HOATZ: variants seen among roughly 807,000 people sequenced by gnomAD.
HOATZ encodes the protein HOATZ cilia and flagella associated protein.
Under a neutral mutation model 24.9 loss-of-function variants are expected in HOATZ, and 26 were observed. That is an observed-to-expected ratio of 1.04 (90% CI 0.76 to 1.45). The LOEUF is 1.45. HOATZ is among the 40% of genes most tolerant of loss of function. The pLI is 0.00. For synonymous variants in HOATZ, 83 were observed against 76.6 expected (o/e 1.08, Z -0.43); for missense variants, 226 against 201.5 (o/e 1.12, Z -0.74).
intron 3 of HOATZ, among the ~76,000 whole-genome samples, chr11:111,532,234 C>T (rs1363138628): frequency 6.6e-6 from 1 of 152,166 alleles, no homozygotes; most frequent in Non-Finnish European, 1.5e-5. Context: ...CAGGCAGAAA[C>T]TGTGTTATGT....
intron 3 of HOATZ, among the ~76,000 whole-genome samples, chr11:111,520,148 GAGTCCTAAAGT>G (rs1867253383): frequency 6.6e-6 from 1 of 152,148 alleles, no homozygotes; most frequent in African/African-American, 2.4e-5. Context: ...CCTCCTTTGA[GAGTCCTAAAGT>G]AGTCTGAAAA....
intron 1 of HOATZ, 88 bp from the exon 2 acceptor site, chr11:111,515,423 T>C (rs1451053616): frequency 2.0e-5 from 21 of 1,059,304 alleles, no homozygotes; most frequent in Non-Finnish European, 2.9e-5. Context: ...GAAACTGTTA[T>C]GCAATTGTTA....
At chr11:111,531,599 C>G (rs1214863238) in intron 3 of HOATZ, among the ~76,000 whole-genome samples, 2 of 152,198 alleles carry the variant, frequency 1.3e-5, no homozygotes, top group Non-Finnish European at 2.9e-5. Flanking sequence ...TTTATTCAAT[C>G]TATGCAAGTT....
At chr11:111,533,584 A>G (rs1275845244) in intron 3 of HOATZ, among the ~76,000 whole-genome samples, 162 bp from the exon 4 acceptor site, 1 of 152,206 alleles carries the variant, frequency 6.6e-6, no homozygotes, top group Non-Finnish European at 1.5e-5. Context: ...TATCTTGAAT[A>G]AAAACAGGAT....
At chr11:111,528,173 T>C (rs953183908) in intron 3 of HOATZ, among the ~76,000 whole-genome samples, 2 of 104,094 alleles carry the variant, frequency 1.9e-5, no homozygotes, top group African/African-American at 6.7e-5. Context: ...AAAAAAAAAA[T>C]CGTTTTTTAA....
At chr11:111,524,867 T>C in intron 3 of HOATZ, 1 of 445,914 alleles carries the variant, frequency 2.2e-6, no homozygotes, top group Admixed American at 2.4e-5. Flanking sequence ...TTTCTTTTTC[T>C]TTTCTTTTTT....
At position 111,516,087 on chromosome 11, in the gene HOATZ, G is replaced by T; in HGVS notation, c.316G>T (p.Glu106Ter). Residue 106 changes from glutamate (E) to a stop codon, truncating the protein, a stop_gained, in exon 3 of 6, where the codon GAG becomes TAG. Coordinates refer to ENST00000375618, the MANE Select transcript of HOATZ (RefSeq NM_001100388.2). LOFTEE classifies it high-confidence loss of function. ...AEALKIQESEEKVKYLQKAKT... is the reference protein window; with the variant it reads ...AEALKIQESE ...AGCCCTAAAGATACAGGAATCTGAGGAGAAAGTAAAGTATCTCCAAAAGGT... is the reference window on the plus strand; with the variant it reads ...AGCCCTAAAGATACAGGAATCTGAGTAGAAAGTAAAGTATCTCCAAAAGGT... 1 of 1,598,788 alleles carries T rather than the reference G, an allele frequency of 6.3e-7. No homozygotes were observed. Among genetic ancestry groups the T allele is most frequent in the South Asian group, 1.1e-5 (1 of 87,718 alleles).
At chr11:111,525,190 A>G (rs1196090476) in intron 3 of HOATZ, among the ~76,000 whole-genome samples, 2 of 152,176 alleles carry the variant, frequency 1.3e-5, no homozygotes, top group Admixed American at 6.5e-5. Flanking sequence ...GCATATTTTC[A>G]TTGTAACAGT....
chr11:111,520,118 C>A (rs1269285649), intron 3 of HOATZ, among the ~76,000 whole-genome samples: 1 of 152,144 alleles, frequency 6.6e-6, no homozygotes, highest in Non-Finnish European at 1.5e-5. Flanking sequence ...AACCTCACAG[C>A]CCTACACTGG....
At chr11:111,534,754 A>C in intron 5 of HOATZ, 1 of 327,020 alleles carries the variant, frequency 3.1e-6, no homozygotes. Context: ...TGGGCTATAT[A>C]ATCACCCATC....
At chr11:111,521,772 A>T (rs542414356) in intron 3 of HOATZ, among the ~76,000 whole-genome samples, 1 of 152,234 alleles carries the variant, frequency 6.6e-6, no homozygotes, top group Non-Finnish European at 1.5e-5. Context: ...ATTAATATAC[A>T]TATGTTTTAT....
At chr11:111,527,450 G>C (rs776242096) in intron 3 of HOATZ, among the ~76,000 whole-genome samples, 3 of 152,126 alleles carry the variant, frequency 2.0e-5, no homozygotes, top group Non-Finnish European at 4.4e-5. Context: ...GGTATAGAAA[G>C]GTGCTTAGAT....
At position 111,522,317 on chromosome 11, in the gene HOATZ, A is replaced by G. The variant is rs140194559; in HGVS notation, c.339+6207A>G. ...TATCAATTTGGTTCCAGTTACATGA[A>G]TCCTTATTGTTCAAATTAGTAAACA... On this transcript the variant is annotated intron_variant, in intron 3 of 5. Transcript: ENST00000375618. Among the ~76,000 whole-genome samples, 703 of 152,318 alleles carry G rather than the reference A, an allele frequency of 4.6e-3. 6 individuals are homozygous for G. The highest frequency in any genetic ancestry group is 0.016 in the African/African-American group (650 of 41,564).
intron 4 of HOATZ, 108 bp from the exon 5 acceptor site, chr11:111,534,304 T>C (rs1256392909): frequency 7.7e-6 from 6 of 778,098 alleles, no homozygotes; most frequent in South Asian, 6.9e-5. Context: ...AGCTAGTCTT[T>C]ATAAACTCTG....
chr11:111,529,905 C>T (rs1867378018), intron 3 of HOATZ, among the ~76,000 whole-genome samples: 1 of 152,112 alleles, frequency 6.6e-6, no homozygotes, highest in South Asian at 2.1e-4. Context: ...TCTTTAACAT[C>T]TCTCCTTGTT....
At chr11:111,519,291 C>T (rs1212352029) in intron 3 of HOATZ, 1 of 173,934 alleles carries the variant, frequency 5.7e-6, no homozygotes, top group East Asian at 1.5e-4. Context: ...GGTTATTAAA[C>T]TCAGTAAATC....
chr11:111,515,907 A>G (rs1867190654), intron 2 of HOATZ, 133 bp from the exon 3 acceptor site: 3 of 614,920 alleles, frequency 4.9e-6, no homozygotes, highest in South Asian at 5.0e-5. Flanking sequence ...TAAAGTTCCA[A>G]TACACCACAT....
chr11:111,525,686 T>C (rs1193595618), intron 3 of HOATZ, among the ~76,000 whole-genome samples: 1 of 152,116 alleles, frequency 6.6e-6, no homozygotes, highest in Non-Finnish European at 1.5e-5. Flanking sequence ...GCCCAAAAGA[T>C]GGGAGAATTT....
intron 3 of HOATZ, among the ~76,000 whole-genome samples, chr11:111,522,547 T>A (rs1161384610): frequency 6.6e-6 from 1 of 152,188 alleles, no homozygotes; most frequent in East Asian, 1.9e-4. Context: ...TGTATCTATA[T>A]TTACTTCATT....
Sources: gnomAD v4.1 joint callset for allele counts (sites outside exome capture counted in the v4.1 genomes callset) on GRCh38, gnomAD v4.1.1 for gene constraint, MANE v1.5 for transcripts, NCBI Gene and HGNC (gene_info 2026-07-23, HGNC 2026-07-21) for gene names.